CEP112: variants seen among roughly 807,000 people sequenced by gnomAD.
The protein encoded by CEP112 is centrosomal protein of 112 kDa.
In CEP112, 127 loss-of-function variants were observed where a neutral mutation model predicts 153.0. That is an observed-to-expected ratio of 0.83 (90% CI 0.72 to 0.96). The LOEUF (loss-of-function observed/expected upper bound fraction) is 0.96. CEP112 is among the 40% of genes least tolerant of loss of function. The pLI is 0.00. For missense variants in CEP112, 1,089 were observed against 1,101.2 expected, an observed-to-expected ratio of 0.99 and a Z score of 0.16; for synonymous variants, 358 against 374.4, an observed-to-expected ratio of 0.96 and a Z score of 0.51.
intron 24 of CEP112, chr17:65,655,061 C>T: frequency 1.5e-6 from 1 of 686,678 alleles, no homozygotes. Flanking sequence ...AGATCCAGAA[C>T]CAAAACCTAT....
chr17:65,790,625 A>T (rs1380100370), intron 21 of CEP112, among the ~76,000 whole-genome samples: 1 of 152,074 alleles, frequency 6.6e-6, no homozygotes, highest in East Asian at 1.9e-4. Flanking sequence ...AAATAGCCTT[A>T]ATTAGGACCT....
At chr17:65,709,220 A>ATT (rs1273752721) in intron 23 of CEP112, among the ~76,000 whole-genome samples, 1 of 152,244 alleles carries the variant, frequency 6.6e-6, no homozygotes, top group Non-Finnish European at 1.5e-5. Context: ...TAATAAAAAG[A>ATT]TTACTTTAAT....
At chr17:66,152,651 T>C (rs1437373930) in intron 4 of CEP112, among the ~76,000 whole-genome samples, 1 of 152,152 alleles carries the variant, frequency 6.6e-6, no homozygotes, top group Non-Finnish European at 1.5e-5. Context: ...TATGCATTCA[T>C]CCACAGATCC....
chr17:65,929,086 C>T (rs968864080), intron 18 of CEP112, among the ~76,000 whole-genome samples: 7 of 152,092 alleles, frequency 4.6e-5, no homozygotes, highest in Non-Finnish European at 7.4e-5. Context: ...TATGGTGTTT[C>T]TTTGGGGGAA....
chr17:66,159,799 G>A (rs561069498), intron 4 of CEP112, among the ~76,000 whole-genome samples: 1 of 152,110 alleles, frequency 6.6e-6, no homozygotes, highest in Non-Finnish European at 1.5e-5. Flanking sequence ...CATAAGACAA[G>A]ATGACCTCTC....
At chr17:65,860,086 G>T (rs1239507273) in intron 20 of CEP112, among the ~76,000 whole-genome samples, 1 of 150,156 alleles carries the variant, frequency 6.7e-6, no homozygotes, top group Non-Finnish European at 1.5e-5. Flanking sequence ...AAATGAAAAT[G>T]AATGTACAAA....
chr17:65,968,955 AT>A (rs2062518529), intron 17 of CEP112, among the ~76,000 whole-genome samples: 1 of 152,206 alleles, frequency 6.6e-6, no homozygotes, highest in Non-Finnish European at 1.5e-5. Flanking sequence ...TATCTAGAGT[AT>A]TTGAAAGCTA....
At chr17:65,719,530 T>A (rs1266548405) in intron 23 of CEP112, among the ~76,000 whole-genome samples, 1 of 152,092 alleles carries the variant, frequency 6.6e-6, no homozygotes, top group East Asian at 1.9e-4. Context: ...TGTAGTGAGC[T>A]GAGATCATGC....
intron 6 of CEP112, among the ~76,000 whole-genome samples, chr17:66,125,915 G>A (rs1485779875): frequency 6.6e-6 from 1 of 152,030 alleles, no homozygotes; most frequent in African/African-American, 2.4e-5. Context: ...TTCTATGTAT[G>A]GCCATTTTTC....
intron 4 of CEP112, among the ~76,000 whole-genome samples, chr17:66,151,891 GAAAAAAATTAAAAAATTTT>G (rs2071225982): frequency 1.3e-5 from 2 of 151,836 alleles, no homozygotes; most frequent in South Asian, 2.1e-4. Flanking sequence ...ATGTCCATGA[GAAAAAAATTAAAAAATTTT>G]AAAAAAATTA....
At chr17:66,069,456 C>G (rs959453582) in intron 9 of CEP112, among the ~76,000 whole-genome samples, 3 of 151,946 alleles carry the variant, frequency 2.0e-5, no homozygotes, top group Non-Finnish European at 4.4e-5. Context: ...GAAAAACAAG[C>G]CTTTATTGTC....
intron 21 of CEP112, among the ~76,000 whole-genome samples, chr17:65,823,046 G>A (rs932719501): frequency 2.0e-5 from 3 of 151,986 alleles, no homozygotes; most frequent in Non-Finnish European, 2.9e-5. Context: ...GCTGATGAAA[G>A]AAATTAAAGA....
intron 20 of CEP112, among the ~76,000 whole-genome samples, chr17:65,889,140 A>G (rs554597015): frequency 5.3e-4 from 80 of 152,132 alleles, no homozygotes; most frequent in African/African-American, 1.7e-3. Context: ...GATCCTCCCC[A>G]TATCACTAAA....
intron 24 of CEP112, among the ~76,000 whole-genome samples, chr17:65,663,067 G>A (rs4791142): frequency 0.48 from 73,009 of 151,932 alleles, 17,810 homozygotes; most frequent in Middle Eastern, 0.57. Flanking sequence ...AGGGATAAGG[G>A]TACTATTTTA....
At chr17:66,035,846 G>A (rs9914706) in intron 12 of CEP112, among the ~76,000 whole-genome samples, 1 of 152,110 alleles carries the variant, frequency 6.6e-6, no homozygotes, top group African/African-American at 2.4e-5. Flanking sequence ...CAGACCCTTT[G>A]AATAAAACAG....
chr17:65,766,339 A>G (rs12949728), intron 21 of CEP112, among the ~76,000 whole-genome samples: 1 of 145,406 alleles, frequency 6.9e-6, no homozygotes, highest in Non-Finnish European at 1.5e-5. Context: ...TAACTATAAG[A>G]CATTTTACGT....
chr17:66,162,543 T>C (rs1317902819), intron 4 of CEP112, among the ~76,000 whole-genome samples: 1 of 152,182 alleles, frequency 6.6e-6, no homozygotes, highest in Non-Finnish European at 1.5e-5. Context: ...AGTCCAACCA[T>C]GGTACAATGG....
chr17:65,868,987 A>G (rs1199906583), intron 20 of CEP112, among the ~76,000 whole-genome samples: 1 of 152,250 alleles, frequency 6.6e-6, no homozygotes, highest in Non-Finnish European at 1.5e-5. Context: ...GTTATTGCAT[A>G]GACAGGTAGC....
chr17:65,780,525 G>A (rs1393066915), intron 21 of CEP112, among the ~76,000 whole-genome samples: 3 of 151,808 alleles, frequency 2.0e-5, no homozygotes, highest in Non-Finnish European at 2.9e-5. Context: ...ATGTAAATGG[G>A]GTCAATTAAT....
Sources: gnomAD v4.1 joint callset for allele counts (sites outside exome capture counted in the v4.1 genomes callset) on GRCh38, gnomAD v4.1.1 for gene constraint, MANE v1.5 for transcripts, NCBI Gene and HGNC (gene_info 2026-07-23, HGNC 2026-07-21) for gene names.